BPIFB1: variants seen among roughly 807,000 people sequenced by gnomAD.
The protein encoded by BPIFB1 is BPI fold containing family B member 1, also known as BPI fold-containing family B member 1.
In BPIFB1, 34 loss-of-function variants were observed where a neutral mutation model predicts 55.1. The observed-to-expected ratio is 0.62, with a 90% CI of 0.47 to 0.82. The LOEUF (loss-of-function observed/expected upper bound fraction) is 0.82. Among genes scored for constraint, BPIFB1 ranks in the 40% least tolerant of loss-of-function variants. The pLI is 0.00. For synonymous variants in BPIFB1, 236 were observed against 245.3 expected (o/e 0.96, Z 0.35); for missense variants, 532 against 593.1 (o/e 0.90, Z 1.07).
intron 15 of BPIFB1, 111 bp downstream of exon 15, chr20:33,307,098 C>T: frequency 1.1e-6 from 1 of 943,816 alleles, no homozygotes; most frequent in Non-Finnish European, 1.7e-6. Flanking sequence ...TGACCCTGGG[C>T]AAGTCCCTTC....
chr20:33,291,128 C>T (rs1183323452), intron 5 of BPIFB1, 22 bp downstream of exon 5: 2 of 1,605,922 alleles, frequency 1.2e-6, no homozygotes, highest in Admixed American at 1.7e-5. Context: ...TGGCCACCAG[C>T]CGGGCTCCCA....
chr20:33,295,741 GGAGA>G (rs536845276), intron 6 of BPIFB1, among the ~76,000 whole-genome samples: 19 of 141,066 alleles, frequency 1.3e-4, no homozygotes, highest in East Asian at 1.2e-3. Context: ...AAGGAAGGAA[GGAGA>G]GAGAGAGAGA....
At chr20:33,308,723 T>C (rs1981125522) in intron 15 of BPIFB1, among the ~76,000 whole-genome samples, 1 of 151,084 alleles carries the variant, frequency 6.6e-6, no homozygotes, top group African/African-American at 2.4e-5. Flanking sequence ...CCTATACATA[T>C]ACATACACAC....
chr20:33,298,512 C>T (rs1980726821), intron 7 of BPIFB1, among the ~76,000 whole-genome samples: 1 of 152,312 alleles, frequency 6.6e-6, no homozygotes, highest in Admixed American at 6.5e-5. Context: ...CACTGAGCGC[C>T]ACAGGGCATC....
At chr20:33,294,722 A>G (rs907356807) in intron 6 of BPIFB1, among the ~76,000 whole-genome samples, 1 of 152,234 alleles carries the variant, frequency 6.6e-6, no homozygotes, top group Non-Finnish European at 1.5e-5. Context: ...GAATTATACA[A>G]TGCTCCTTGC....
chr20:33,303,097 T>C (rs1476013924), intron 11 of BPIFB1, 23 bp downstream of exon 11: 1 of 1,611,746 alleles, frequency 6.2e-7, no homozygotes, highest in African/African-American at 1.3e-5. Flanking sequence ...GTCTGCGATA[T>C]TGGCAGCAAC....
At chr20:33,284,233 G>T (rs910452253) in intron 1 of BPIFB1, among the ~76,000 whole-genome samples, 1 of 152,192 alleles carries the variant, frequency 6.6e-6, no homozygotes, top group Non-Finnish European at 1.5e-5. Context: ...TAAGTCACTT[G>T]TCAAAGATCA....
In BPIFB1 at chr20:33,309,795, G is replaced by A; in HGVS notation, c.*28G>A. The A allele has an allele frequency of 6.2e-7, 1 of 1,604,784 alleles. No homozygotes were observed. Among genetic ancestry groups the A allele is most frequent in the South Asian group, 1.1e-5 (1 of 90,828 alleles). On this transcript the variant is annotated 3_prime_UTR_variant, in exon 16 of 16. Transcript: ENST00000253354. The surrounding 1 kb of genome is among the most constrained non-coding windows in gnomAD (Gnocchi z 4.4). ...ACTTGGATGGCAGCCATCAGGGAAG[G>A]CTGGGTCCCAGCTGGGAGTATGGGT...
Position 33,291,930 on chromosome 20 carries a change from T to C in BPIFB1, c.539T>C (p.Leu180Ser). ...LHKLSFLVNA[L>S]AKQVMNLLVP... ...AGGCTCTCCTTCCTGGTGAACGCCT[T>C]AGCTAAGCAGGTCATGAACCTCCTA... Residue 180 changes from leucine to serine, a missense_variant, in exon 6 of 16, where the codon TTA (leucine) becomes TCA (serine). Physicochemically the swap from Leu to Ser is moderately radical, Grantham distance 145 (BLOSUM62 -2). Coordinates refer to ENST00000253354, the MANE Select transcript of BPIFB1 (RefSeq NM_033197.3). The C allele has an allele frequency of 6.2e-7, 1 of 1,614,234 alleles. No individual in the cohort carries two copies. The highest frequency in any genetic ancestry group is 8.5e-7 in the Non-Finnish European group (1 of 1,180,026).
chr20:33,288,661 C>T, intron 2 of BPIFB1, 80 bp from the exon 3 acceptor site: 1 of 1,539,462 alleles, frequency 6.5e-7, no homozygotes, highest in South Asian at 1.2e-5. Flanking sequence ...CGAGTGATAC[C>T]CCTCCCCAGC....
At chr20:33,293,875 A>C (rs1452408565) in intron 6 of BPIFB1, among the ~76,000 whole-genome samples, 3 of 152,104 alleles carry the variant, frequency 2.0e-5, no homozygotes, top group Non-Finnish European at 4.4e-5. Flanking sequence ...TGCTTTATAT[A>C]AACAATGTGA....
chr20:33,301,696 C>A (rs1436519532), intron 9 of BPIFB1, among the ~76,000 whole-genome samples: 1 of 152,196 alleles, frequency 6.6e-6, no homozygotes, highest in Non-Finnish European at 1.5e-5. Flanking sequence ...ATGCAGTAGT[C>A]CAGGGGTGAT....
At chr20:33,297,736 GC>G in intron 7 of BPIFB1, 148 bp downstream of exon 7, 1 of 792,102 alleles carries the variant, frequency 1.3e-6, no homozygotes, top group Non-Finnish European at 2.2e-6. Context: ...GTTGATCCCT[GC>G]CCCAGACGCG....
At position 33,306,017 on chromosome 20, in the gene BPIFB1, A is replaced by C; in HGVS notation, c.1270A>C (p.Asn424His). ...TCTCTCACAGCCTGATGTTCTGAAAAACATCATCACTGAGATCATCCACTC... is the reference window on the plus strand; with the variant it reads ...TCTCTCACAGCCTGATGTTCTGAAACACATCATCACTGAGATCATCCACTC... ...IGWFQPDVLK[N>H]IITEIIHSIL... The change falls in exon 14 of 16, where the codon AAC becomes CAC. Residue 424 changes from asparagine to histidine, a missense_variant. Coordinates refer to ENST00000253354, the MANE Select transcript of BPIFB1 (RefSeq NM_033197.3). 1 of 1,613,942 alleles carries C rather than the reference A, an allele frequency of 6.2e-7. No homozygotes were observed. The highest frequency in any genetic ancestry group is 1.1e-5 in the South Asian group (1 of 91,058).
At chr20:33,298,479 AGAG>A (rs1980725499) in intron 7 of BPIFB1, among the ~76,000 whole-genome samples, 1 of 152,238 alleles carries the variant, frequency 6.6e-6, no homozygotes, top group Non-Finnish European at 1.5e-5. Flanking sequence ...GGGCGACCAG[AGAG>A]GAGAAGGGAG....
intron 7 of BPIFB1, among the ~76,000 whole-genome samples, chr20:33,297,967 A>G (rs1323160117): frequency 6.6e-6 from 1 of 152,204 alleles, no homozygotes; most frequent in Non-Finnish European, 1.5e-5. Flanking sequence ...AAAAGTCTAC[A>G]GGAAAGTTCT....
intron 1 of BPIFB1, among the ~76,000 whole-genome samples, chr20:33,284,668 C>T (rs78307239): frequency 0.043 from 6,559 of 152,210 alleles, 161 homozygotes; most frequent in Non-Finnish European, 0.057. Context: ...ATCTCTGCAG[C>T]GTCTCCCCTC....
chr20:33,305,900 C>G (rs1981009127), intron 13 of BPIFB1, 102 bp from the exon 14 acceptor site: 1 of 1,304,378 alleles, frequency 7.7e-7, no homozygotes, highest in African/African-American at 1.5e-5. Context: ...TACATCTCCA[C>G]CAGCCACCTC....
chr20:33,299,258 T>G (rs980198628), intron 7 of BPIFB1: 1 of 442,158 alleles, frequency 2.3e-6, no homozygotes, highest in African/African-American at 2.0e-5. Flanking sequence ...CCTCCAGCAC[T>G]CCCCATCCTC....
Sources: allele counts gnomAD v4.1 joint callset (sites outside exome capture counted in the v4.1 genomes callset), GRCh38; gene constraint gnomAD v4.1.1; non-coding constraint Gnocchi (gnomAD v3.1); transcripts MANE v1.5; gene names NCBI Gene and HGNC (gene_info 2026-07-23, HGNC 2026-07-21).